The following NTRK3 variants were observed in gnomAD, a reference collection of about 807,000 sequenced individuals.
NTRK3 encodes the protein NT-3 growth factor receptor.
NTRK3 carries 24 observed loss-of-function variants against 91.7 expected under a neutral mutation model. The observed-to-expected ratio is 0.26, with a 90% CI of 0.19 to 0.37. The LOEUF is 0.37. Among genes scored for constraint, NTRK3 ranks in the 10% least tolerant of loss-of-function variants. The probability of loss-of-function intolerance (pLI) is 1.00; values close to 1 mark genes in which losing one functional copy is unlikely to be tolerated. For missense variants in NTRK3, 880 were observed against 1,068.9 expected, an observed-to-expected ratio of 0.82 and a Z score of 2.46; for synonymous variants, 483 against 404.0, an observed-to-expected ratio of 1.20 and a Z score of -2.34.
chr15:88,067,589 A>G (rs2046763035), intron 13 of NTRK3, among the ~76,000 whole-genome samples: 1 of 152,230 alleles, frequency 6.6e-6, no homozygotes, highest in Non-Finnish European at 1.5e-5. Flanking sequence ...GCAGAAACAT[A>G]TGAACTTGGG....
chr15:88,011,782 A>G (rs938684140), intron 14 of NTRK3, among the ~76,000 whole-genome samples: 3 of 152,224 alleles, frequency 2.0e-5, no homozygotes, highest in African/African-American at 4.8e-5. Flanking sequence ...CTGCACAGCC[A>G]GATACTGCCC....
chr15:88,121,405 C>G (rs2052690542), intron 13 of NTRK3, among the ~76,000 whole-genome samples: 1 of 152,148 alleles, frequency 6.6e-6, no homozygotes, highest in African/African-American at 2.4e-5. Flanking sequence ...AAGTCACTTC[C>G]TTGTCTGGGC....
chr15:87,977,423 C>T (rs1051085209), intron 14 of NTRK3: 1 of 210,974 alleles, frequency 4.7e-6, no homozygotes, highest in Admixed American at 5.9e-5. Flanking sequence ...CTATAAGTCT[C>T]TGTGGAAACA....
chr15:87,998,471 T>C (rs1247011490), intron 14 of NTRK3, among the ~76,000 whole-genome samples: 1 of 152,268 alleles, frequency 6.6e-6, no homozygotes, highest in African/African-American at 2.4e-5. Flanking sequence ...TTCAGATGTC[T>C]ATACAGTGGC....
intron 3 of NTRK3, among the ~76,000 whole-genome samples, chr15:88,252,126 A>C (rs2053456475): frequency 6.6e-6 from 1 of 152,116 alleles, no homozygotes; most frequent in South Asian, 2.1e-4. Flanking sequence ...TCCTGCTTCC[A>C]AATCTCATGT....
At chr15:87,877,196 C>G in intron 18 of NTRK3, 76 bp from the exon 20 acceptor site, 1 of 1,467,058 alleles carries the variant, frequency 6.8e-7, no homozygotes. Flanking sequence ...CGGCAAAAAG[C>G]AACAACTTCC....
chr15:88,152,341 C>T (rs1384864657), intron 5 of NTRK3, among the ~76,000 whole-genome samples: 4 of 152,168 alleles, frequency 2.6e-5, no homozygotes, highest in Middle Eastern at 3.4e-3. Flanking sequence ...AAATCCTAAC[C>T]CCCATTGTGT....
At chr15:88,117,434 C>G (rs558060507) in intron 13 of NTRK3, among the ~76,000 whole-genome samples, 1 of 152,286 alleles carries the variant, frequency 6.6e-6, no homozygotes, top group African/African-American at 2.4e-5. Flanking sequence ...TCGCCCAAAT[C>G]CCAGCTTCTC....
At chr15:87,992,925 A>C (rs1048962854) in intron 14 of NTRK3, among the ~76,000 whole-genome samples, 10 of 152,244 alleles carry the variant, frequency 6.6e-5, no homozygotes, top group African/African-American at 2.2e-4. Flanking sequence ...TTTCAGAACC[A>C]TGTAATCTGA....
exon 17 of NTRK3, chr15:87,929,226 T>C (rs754290790): frequency 1.9e-6 from 3 of 1,614,144 alleles, no homozygotes; most frequent in Non-Finnish European, 2.5e-6. Context: ...TCTCTGGACA[T>C]GCCGAAGTCC....
Position 87,953,515 on chromosome 15 carries a change from T to C in NTRK3, c.1586-12762A>G, listed in dbSNP as rs575713066. Among the ~76,000 whole-genome samples, 9 of 152,340 alleles carry C rather than the reference T, an allele frequency of 5.9e-5. No homozygotes were observed. In the East Asian group the frequency reaches 1.7e-3, roughly 29 times the overall value. Reference sequence around the variant, plus strand: ...CAGACATTGGAGGTCAAGTGGTTTCTGGGACTGACGGTCAGTGGAAAATAG... The same window carrying C: ...CAGACATTGGAGGTCAAGTGGTTTCCGGGACTGACGGTCAGTGGAAAATAG... On this transcript the variant is annotated intron_variant, in intron 14 of 18. Transcript: ENST00000394480.
At chr15:87,986,180 A>G (rs1365560514) in intron 14 of NTRK3, among the ~76,000 whole-genome samples, 1 of 152,204 alleles carries the variant, frequency 6.6e-6, no homozygotes, top group African/African-American at 2.4e-5. Flanking sequence ...GGTATTAATA[A>G]TCTATCTTCA....
At chr15:88,177,518 A>C (rs1371087451) in intron 5 of NTRK3, among the ~76,000 whole-genome samples, 1 of 152,222 alleles carries the variant, frequency 6.6e-6, no homozygotes, top group Non-Finnish European at 1.5e-5. Context: ...AAGGAAAGAG[A>C]GGCATCAAGA....
intron 14 of NTRK3, chr15:87,981,289 T>C: frequency 6.3e-7 from 1 of 1,593,204 alleles, no homozygotes; most frequent in African/African-American, 1.3e-5. Flanking sequence ...ATATAGTGAG[T>C]TGATGGGACT....
At chr15:88,242,409 T>G (rs1300659679) in intron 3 of NTRK3, among the ~76,000 whole-genome samples, 2 of 152,172 alleles carry the variant, frequency 1.3e-5, no homozygotes, top group Non-Finnish European at 2.9e-5. Context: ...TTTAGGAAAA[T>G]TGCACCCTCT....
At chr15:87,981,588 A>C (rs1327813513) in intron 14 of NTRK3, among the ~76,000 whole-genome samples, 2 of 152,204 alleles carry the variant, frequency 1.3e-5, no homozygotes, top group East Asian at 3.9e-4. Context: ...CACAAGTTAG[A>C]GTCAGAGAAG....
intron 13 of NTRK3, among the ~76,000 whole-genome samples, chr15:88,049,401 A>G (rs1323010326): frequency 6.6e-6 from 1 of 152,182 alleles, no homozygotes; most frequent in African/African-American, 2.4e-5. Flanking sequence ...GTGATCTATT[A>G]AAAACCCCAC....
At position 88,168,903 on chromosome 15, in the gene NTRK3, G is replaced by T. The variant is rs140222988; in HGVS notation, c.395+14515C>A. ...TCATGTAGTTCAGGCCAACTCACTGGATGTCTTTGGCCTATGGATCTGTGC... is the reference window on the plus strand; with the variant it reads ...TCATGTAGTTCAGGCCAACTCACTGTATGTCTTTGGCCTATGGATCTGTGC... On this transcript the variant is annotated intron_variant, in intron 5 of 18. Coordinates refer to ENST00000394480, the Ensembl canonical transcript of NTRK3. Among the ~76,000 whole-genome samples the T allele has an allele frequency of 3.0e-3, 456 of 152,350 alleles. 11 individuals carry two copies. The highest frequency in any genetic ancestry group is 7.6e-4 in the Non-Finnish European group (52 of 68,038).
At chr15:88,073,539 T>A (rs1247681187) in intron 13 of NTRK3, among the ~76,000 whole-genome samples, 2 of 152,196 alleles carry the variant, frequency 1.3e-5, no homozygotes, top group Non-Finnish European at 2.9e-5. Context: ...TGCCGCCCCT[T>A]CTTCCAGGAA....
Sources: gnomAD v4.1 joint callset for allele counts (sites outside exome capture counted in the v4.1 genomes callset) on GRCh38, gnomAD v4.1.1 for gene constraint, MANE v1.5 for transcripts, NCBI Gene and HGNC (gene_info 2026-07-23, HGNC 2026-07-21) for gene names.